Variants in ARID4B observed in about 807,000 individuals in gnomAD.
The protein encoded by ARID4B is AT-rich interaction domain 4B, also known as AT-rich interactive domain-containing protein 4B.
In ARID4B, 26 loss-of-function variants were observed where a neutral mutation model predicts 147.5. That is an observed-to-expected ratio of 0.18 (90% CI 0.13 to 0.24). The LOEUF (loss-of-function observed/expected upper bound fraction) is 0.24. ARID4B is among the 10% of genes least tolerant of loss of function. The pLI is 1.00. For missense variants in ARID4B, 1,179 were observed against 1,511.5 expected, an observed-to-expected ratio of 0.78 and a Z score of 3.65; for synonymous variants, 512 against 507.9, an observed-to-expected ratio of 1.01 and a Z score of -0.11.
intron 8 of ARID4B, among the ~76,000 whole-genome samples, chr1:235,238,153 A>AAAAAAAAAAAGAAAAGAAAAG (rs61179792): frequency 5.8e-4 from 82 of 141,768 alleles, no homozygotes; most frequent in South Asian, 3.2e-3. Flanking sequence ...CAAAAAAAAA[A>AAAAAAAAAAAGAAAAGAAAAG]AAAAGAAAAG....
At chr1:235,256,052 T>C (rs1669966192) in intron 4 of ARID4B, among the ~76,000 whole-genome samples, 1 of 151,298 alleles carries the variant, frequency 6.6e-6, no homozygotes, top group South Asian at 2.1e-4. Flanking sequence ...CAGGCGCCTG[T>C]AATCCCAGCT....
intron 2 of ARID4B, among the ~76,000 whole-genome samples, chr1:235,286,200 A>G (rs1671962570): frequency 1.3e-5 from 2 of 152,084 alleles, no homozygotes; most frequent in Admixed American, 1.3e-4. Context: ...ATGCCCAGCT[A>G]ATTTTTGATA....
chr1:235,184,853 G>C (rs1664565838), intron 19 of ARID4B, among the ~76,000 whole-genome samples: 1 of 152,088 alleles, frequency 6.6e-6, no homozygotes, highest in Non-Finnish European at 1.5e-5. Flanking sequence ...ATCTCACTCT[G>C]TCACCCAGGC....
At position 235,326,986 on chromosome 1, in the gene ARID4B, G is replaced by C; in HGVS notation, c.-49-18C>G. The stretch of plus-strand genomic sequence containing the variant: ...AGCTGCACCTGGAGGGGAAACAAAA[G>C]ACACCCAGTCAACACCACAGGAGCC... On this transcript the variant is annotated intron_variant, in intron 1 of 23. Transcript: ENST00000264183. 6.4e-7 allele frequency: 1 copy of C among 1,556,374 alleles called. No individual in the cohort carries two copies. Among genetic ancestry groups the C allele is most frequent in the Non-Finnish European group, 8.9e-7 (1 of 1,128,118 alleles).
At chr1:235,229,542 G>A (rs1163863992) in intron 10 of ARID4B, among the ~76,000 whole-genome samples, 157 bp from the exon 11 acceptor site, 1 of 152,206 alleles carries the variant, frequency 6.6e-6, no homozygotes, top group South Asian at 2.1e-4. Flanking sequence ...GCTTTTAAAT[G>A]TAGCAATATA....
chr1:235,188,047 T>G (rs112063089), intron 19 of ARID4B, among the ~76,000 whole-genome samples: 512 of 152,224 alleles, frequency 3.4e-3, no homozygotes, highest in Non-Finnish European at 6.2e-3. Context: ...AATGATCCCA[T>G]CTGTAAAAAG....
chr1:235,259,001 A>G (rs1344323474), intron 3 of ARID4B, among the ~76,000 whole-genome samples: 1 of 152,204 alleles, frequency 6.6e-6, no homozygotes, highest in African/African-American at 2.4e-5. Context: ...ATATATCCCT[A>G]TATCTACTGA....
intron 7 of ARID4B, among the ~76,000 whole-genome samples, chr1:235,241,593 A>T (rs920550112): frequency 2.7e-4 from 41 of 152,140 alleles, no homozygotes; most frequent in African/African-American, 9.7e-4. Context: ...ACCTTGGCTC[A>T]CTGCAAGCTC....
intron 8 of ARID4B, among the ~76,000 whole-genome samples, chr1:235,239,604 G>A (rs535165279): frequency 2.0e-5 from 3 of 152,166 alleles, no homozygotes; most frequent in South Asian, 4.2e-4. Context: ...TAGTGGTTAC[G>A]AAAAACAGAG....
At chr1:235,189,649 C>T (rs1664949323) in intron 19 of ARID4B, among the ~76,000 whole-genome samples, 1 of 151,992 alleles carries the variant, frequency 6.6e-6, no homozygotes. Flanking sequence ...AGCTACCCAA[C>T]TACTTGGGAG....
intron 17 of ARID4B, among the ~76,000 whole-genome samples, chr1:235,205,791 G>A (rs190374821): frequency 2.5e-3 from 386 of 152,242 alleles, no homozygotes; most frequent in South Asian, 7.7e-3. Context: ...TACATTTCAA[G>A]TACATGAAAA....
At chr1:235,299,740 AG>A (rs1672994617) in intron 2 of ARID4B, among the ~76,000 whole-genome samples, 1 of 152,174 alleles carries the variant, frequency 6.6e-6, no homozygotes, top group Admixed American at 6.5e-5. Flanking sequence ...GATCCAAGTT[AG>A]GGGGTTGGTC....
Position 235,175,208 on chromosome 1 carries a change from C to G in ARID4B, c.3640G>C (p.Val1214Leu), listed in dbSNP as rs1359328346. 6.2e-7 allele frequency: 1 copy of G among 1,614,116 alleles called. No individual in the cohort carries two copies. The highest frequency in any genetic ancestry group is 2.2e-5 in the East Asian group (1 of 44,876). The stretch of plus-strand genomic sequence containing the variant: ...CACATCTGAAAACTCCATTTGTAAA[C>G]TTTGGGTAATCGATTACTGGGTTCC... ...LKEPSNRLPK[V>L]YKWSFQMSDL... is the part of the protein sequence containing the mutation. The change falls in exon 22 of 24, where the codon GTT (valine) becomes CTT (leucine). Residue 1214 changes from valine to leucine, a missense_variant. Physicochemically the swap from Val to Leu is conservative, Grantham distance 32. This residue lies in a region of ARID4B where 357 missense variants were observed against 427.3 expected (regional missense o/e 0.84). Coordinates refer to ENST00000264183, the MANE Select transcript of ARID4B (RefSeq NM_016374.6).
At chr1:235,249,150 T>C (rs1024959761) in intron 6 of ARID4B, among the ~76,000 whole-genome samples, 6 of 151,246 alleles carry the variant, frequency 4.0e-5, no homozygotes, top group African/African-American at 1.5e-4. Context: ...CTGGCCAACA[T>C]GGCGAAACCC....
chr1:235,223,333 A>G, intron 12 of ARID4B, 73 bp from the exon 13 acceptor site: 1 of 622,146 alleles, frequency 1.6e-6, no homozygotes, highest in South Asian at 2.6e-5. Flanking sequence ...GATTCAAATA[A>G]TACAAGTATT....
At chr1:235,309,035 C>T (rs1398812473) in intron 2 of ARID4B, among the ~76,000 whole-genome samples, 1 of 142,918 alleles carries the variant, frequency 7.0e-6, no homozygotes, top group African/African-American at 3.0e-5. Context: ...GTGAGGAGCG[C>T]CTCTTCCCGG....
chr1:235,171,421 A>G (rs1663356245), intron 23 of ARID4B, among the ~76,000 whole-genome samples: 1 of 152,134 alleles, frequency 6.6e-6, no homozygotes, highest in Non-Finnish European at 1.5e-5. Context: ...CGACAGAGCA[A>G]AACTCCATCT....
chr1:235,208,416 A>C (rs1247196837), intron 17 of ARID4B, among the ~76,000 whole-genome samples: 1 of 152,150 alleles, frequency 6.6e-6, no homozygotes, highest in African/African-American at 2.4e-5. Flanking sequence ...AAACTACTTA[A>C]GCAGAACTAA....
intron 5 of ARID4B, among the ~76,000 whole-genome samples, chr1:235,253,422 G>A (rs1669764340): frequency 6.6e-6 from 1 of 152,096 alleles, no homozygotes; most frequent in Non-Finnish European, 1.5e-5. Flanking sequence ...CCAGCTCCAG[G>A]CATTGCCAAA....
Sources: gnomAD v4.1 joint callset for allele counts (sites outside exome capture counted in the v4.1 genomes callset) on GRCh38, gnomAD v4.1.1 for gene constraint, gnomAD v4.1.1 regional missense constraint, MANE v1.5 for transcripts, NCBI Gene and HGNC (gene_info 2026-07-23, HGNC 2026-07-21) for gene names.